TBX3: variants seen among roughly 807,000 people sequenced by gnomAD.
The protein encoded by TBX3 is T-box transcription factor 3.
Under a neutral mutation model 47.8 loss-of-function variants are expected in TBX3, and 11 were observed. The ratio of observed to expected loss-of-function variants is 0.23; its 90% CI spans 0.14 to 0.38. TBX3 has a LOEUF of 0.38. TBX3 is among the 10% of genes least tolerant of loss of function. TBX3 has a pLI of 1.00. For synonymous variants in TBX3, 500 were observed against 449.3 expected (o/e 1.11, Z -1.43); for missense variants, 927 against 1,022.8 (o/e 0.91, Z 1.28).
rs1868432679 is a variant in TBX3, at chr12:114,671,686, T to C, written c.*155A>G. On this transcript the variant is annotated 3_prime_UTR_variant, in exon 7 of 7. Coordinates refer to ENST00000349155, the MANE Select transcript of TBX3 (RefSeq NM_005996.4). ...ACGCCAAGAAGACAGGGGCTGTCTC[T>C]AGCACATTCTCTCGAGGGAGTCCGG... 6.7e-6 allele frequency: 6 copies of C among 890,714 alleles called. 1 individual carries two copies. In the South Asian group the frequency reaches 7.4e-5, roughly 11 times the overall value. 55.2% of individuals were successfully genotyped at this position (890,714 alleles called of 1,614,324 possible).
At chr12:114,672,754 G>A (rs941610741) in intron 6 of TBX3, among the ~76,000 whole-genome samples, 1 of 152,030 alleles carries the variant, frequency 6.6e-6, no homozygotes, top group Admixed American at 6.5e-5. Flanking sequence ...GGAAGCCGGA[G>A]GACATAAATT....
At chr12:114,680,484 G>A (rs541908411) in intron 2 of TBX3, 26 of 313,198 alleles carry the variant, frequency 8.3e-5, no homozygotes, top group Middle Eastern at 1.1e-3. Context: ...GCTCCGAAAC[G>A]TAAACTCTCC....
chr12:114,682,838 G>T lies in TBX3; in HGVS notation c.363C>A (p.Thr121=). 1.9e-6 allele frequency: 3 copies of T among 1,614,194 alleles called. No homozygotes were observed. Among genetic ancestry groups the T allele is most frequent in the Non-Finnish European group, 2.5e-6 (3 of 1,180,028 alleles). ...TTCCCGACTTGGTAATGACCATCTC[G>T]GTGCCCCGCTTGTGAAACTGATCCC... The part of the protein sequence containing the change: ...ELWDQFHKRG[T]EMVITKSGRR... The change falls in exon 1 of 7, where the codon ACC becomes ACA. Residue 121 remains threonine, a synonymous_variant. Transcript: ENST00000349155.
chr12:114,683,777 A>T lies in TBX3; in HGVS notation c.-577T>A. On this transcript the variant is annotated 5_prime_UTR_variant, in exon 1 of 7. Coordinates refer to ENST00000349155, the MANE Select transcript of TBX3 (RefSeq NM_005996.4). The surrounding 1 kb of genome is among the most constrained non-coding windows in gnomAD (Gnocchi z 7.7). Reference sequence around the variant, plus strand: ...TAACAGGGAGCGAGAGAGCGGAAAAAGTCTCTCTCCTTTAAAAAAAAAAAA... The same window carrying T: ...TAACAGGGAGCGAGAGAGCGGAAAATGTCTCTCTCCTTTAAAAAAAAAAAA... 1 of 221,866 alleles carries T rather than the reference A, an allele frequency of 4.5e-6. No individual in the cohort carries two copies. Among genetic ancestry groups the T allele is most frequent in the Non-Finnish European group, 8.8e-6 (1 of 114,280 alleles). The allele number at this position is 221,866 out of a possible 1,614,324, so 13.7% of individuals were successfully genotyped here.
Position 114,671,837 on chromosome 12 carries a change from G to C in TBX3, c.*4C>G. The stretch of plus-strand genomic sequence containing the variant: ...TGGAATGAAAAGACGTGTCTGGGAC[G>C]GGTCTACGGGGACGCGCTGCGGGAC... On this transcript the variant is annotated 3_prime_UTR_variant, in exon 7 of 7. Coordinates refer to ENST00000349155, the MANE Select transcript of TBX3 (RefSeq NM_005996.4). 2 of 1,553,584 alleles carry C rather than the reference G, an allele frequency of 1.3e-6. No individual in the cohort carries two copies. The highest frequency in any genetic ancestry group is 1.7e-6 in the Non-Finnish European group (2 of 1,149,036).
intron 3 of TBX3, among the ~76,000 whole-genome samples, chr12:114,678,768 T>C (rs941434335): frequency 6.6e-6 from 1 of 152,140 alleles, no homozygotes; most frequent in Non-Finnish European, 1.5e-5. Flanking sequence ...AGGGTCACTT[T>C]TTCTGTGCCC....
chr12:114,673,358 C>A (rs950157516), intron 6 of TBX3, among the ~76,000 whole-genome samples: 1 of 152,196 alleles, frequency 6.6e-6, no homozygotes, highest in African/African-American at 2.4e-5. Context: ...TCATCGAGTT[C>A]AGGGTGTTTC....
rs751859366 is a variant in TBX3, at chr12:114,672,147, G to C, written c.1866C>G (p.Pro622=). ...CCGGGACCGGCACCGGGATGGAGTA[G>C]GGGCTGTAGCGCAGCCGCGGGCGCA... ...NTMRPRLRYS[P]YSIPVPVPDG... The change falls in exon 7 of 7, where the codon CCC becomes CCG. Residue 622 remains proline, a synonymous_variant. Coordinates refer to ENST00000349155, the MANE Select transcript of TBX3 (RefSeq NM_005996.4). The C allele has an allele frequency of 1.3e-6, 2 of 1,572,928 alleles. No homozygotes were observed. The highest frequency in any genetic ancestry group is 1.7e-6 in the Non-Finnish European group (2 of 1,159,784).
intron 1 of TBX3, 142 bp downstream of exon 1, chr12:114,682,670 G>A (rs1278497912): frequency 1.5e-6 from 2 of 1,296,508 alleles, no homozygotes; most frequent in Non-Finnish European, 2.2e-6. Context: ...GGCAGGGCCT[G>A]GAAGTCTGTG....
rs200569006 is a variant in TBX3, at chr12:114,672,114, G to A, written c.1899C>T (p.Ser633=). The change falls in exon 7 of 7, where the codon AGC becomes AGT. Residue 633 remains serine (S), a synonymous_variant. Transcript: ENST00000349155. ...YSIPVPVPDG[S]SLLTTALPSM... is the part of the protein sequence containing the mutation. ...AGGGCAGGGCGGTGGTGAGCAGACT[G>A]CTGCCGTCCGGGACCGGCACCGGGA... 3.7e-4 allele frequency: 573 copies of A among 1,568,782 alleles called. 2 individuals carry two copies. In the African/African-American group the frequency reaches 6.0e-3, roughly 16 times the overall value.
At chr12:114,676,209 T>A in intron 5 of TBX3, 104 bp downstream of exon 5, 1 of 1,472,146 alleles carries the variant, frequency 6.8e-7, no homozygotes, top group South Asian at 1.2e-5. Flanking sequence ...AGAAGGCTTC[T>A]AGCTTTTAAA....
At chr12:114,678,113 AG>A (rs1868788789) in intron 3 of TBX3, among the ~76,000 whole-genome samples, 1 of 148,722 alleles carries the variant, frequency 6.7e-6, no homozygotes, top group Admixed American at 6.7e-5. Flanking sequence ...CTTGTGCGGG[AG>A]TGAGTGCGGG....
intron 1 of TBX3, among the ~76,000 whole-genome samples, chr12:114,681,859 A>G (rs1868942373): frequency 6.6e-6 from 1 of 152,198 alleles, no homozygotes; most frequent in African/African-American, 2.4e-5. Context: ...CTTGACTTAA[A>G]AGGAAGCAAG....
intron 4 of TBX3, 129 bp downstream of exon 4, chr12:114,677,450 AG>A: frequency 1.2e-6 from 1 of 838,472 alleles, no homozygotes; most frequent in Non-Finnish European, 2.0e-6. Flanking sequence ...AGCATGTAGC[AG>A]TGGGGAAAGT....
chr12:114,683,236 C>G lies in TBX3; in HGVS notation c.-36G>C. ...CGGGGCGCTGGGCTCCAGCCGGGGA[C>G]AAGTCCGCAGCTGCTGTGTTTTGTT... On this transcript the variant is annotated 5_prime_UTR_variant, in exon 1 of 7. Coordinates refer to ENST00000349155, the MANE Select transcript of TBX3 (RefSeq NM_005996.4). This position sits in a 1 kb window ranked among gnomAD's most constrained non-coding sequence, Gnocchi z 7.7. The G allele has an allele frequency of 6.2e-7, 1 of 1,604,638 alleles. No individual in the cohort carries two copies. Among genetic ancestry groups the G allele is most frequent in the Non-Finnish European group, 8.5e-7 (1 of 1,174,390 alleles).
At position 114,674,471 on chromosome 12, in the gene TBX3, C is replaced by G. The variant is rs958744217; in HGVS notation, c.1404G>C (p.Ala468=). Residue 468 remains alanine, a synonymous_variant, in exon 6 of 7, where the codon GCG becomes GCC. Coordinates refer to ENST00000349155, the MANE Select transcript of TBX3 (RefSeq NM_005996.4). ...GGCCCTGGGCCAGGTGCGCGGCGGCCGCGTCCGTCTGCACCGTGAGCGGCG... is the reference window on the plus strand; with the variant it reads ...GGCCCTGGGCCAGGTGCGCGGCGGCGGCGTCCGTCTGCACCGTGAGCGGCG... ...AFAPLTVQTD[A]AAAHLAQGPL... The G allele has an allele frequency of 1.9e-6, 3 of 1,540,522 alleles. No individual in the cohort carries two copies. The highest frequency in any genetic ancestry group is 2.5e-5 in the East Asian group (1 of 40,668).
Position 114,672,138 on chromosome 12 carries a change from G to A in TBX3, c.1875C>T (p.Ile625=). 1 of 1,572,746 alleles carries A rather than the reference G, an allele frequency of 6.4e-7. No individual in the cohort carries two copies. The highest frequency in any genetic ancestry group is 1.7e-4 in the Middle Eastern group (1 of 5,956). ...TGCTGCCGTCCGGGACCGGCACCGG[G>A]ATGGAGTAGGGGCTGTAGCGCAGCC... is the stretch of plus-strand genomic sequence containing the variant. ...RPRLRYSPYS[I]PVPVPDGSSL... Residue 625 remains isoleucine, a synonymous_variant, in exon 7 of 7, where the codon ATC becomes ATT. Coordinates refer to ENST00000349155, the MANE Select transcript of TBX3 (RefSeq NM_005996.4).
At position 114,675,988 on chromosome 12, in the gene TBX3, A is replaced by C. The variant is rs980347242; in HGVS notation, c.1039+325T>G. The stretch of plus-strand genomic sequence containing the variant: ...AGAGAATGGGAGGAGAAAGAAACAG[A>C]GACAGAGAGAAAAGAGAGAAGCGCT... On this transcript the variant is annotated intron_variant, in intron 5 of 6. Coordinates refer to ENST00000349155, the MANE Select transcript of TBX3 (RefSeq NM_005996.4). 5.9e-5 allele frequency among the ~76,000 whole-genome samples: 9 copies of C among 152,138 alleles called. No individual in the cohort carries two copies. The South Asian group carries it at 1.0e-3, about 18-fold the overall frequency.
Position 114,683,078 on chromosome 12 carries a change from G to A in TBX3, c.123C>T (p.Phe41=). The A allele has an allele frequency of 1.2e-6, 2 of 1,611,160 alleles. No individual in the cohort carries two copies. Among genetic ancestry groups the A allele is most frequent in the South Asian group, 1.1e-5 (1 of 91,010 alleles). ...SAVLGHQPPF[F]PALTLPPNGA... ...CGTTGGGAGGCAGCGTCAGCGCGGG[G>A]AAGAACGGCGGCTGGTGACCCAGCA... The change falls in exon 1 of 7, where the codon TTC becomes TTT. Residue 41 remains phenylalanine (F), a synonymous_variant. Transcript: ENST00000349155. The surrounding 1 kb of genome is among the most constrained non-coding windows in gnomAD (Gnocchi z 7.7).
Sources: allele counts gnomAD v4.1 joint callset (sites outside exome capture counted in the v4.1 genomes callset), GRCh38; gene constraint gnomAD v4.1.1; non-coding constraint Gnocchi (gnomAD v3.1); transcripts MANE v1.5; gene names NCBI Gene and HGNC (gene_info 2026-07-23, HGNC 2026-07-21).